CYP11A1: variants seen among roughly 807,000 people sequenced by gnomAD.
CYP11A1 encodes the protein cholesterol side-chain cleavage enzyme, mitochondrial.
In CYP11A1, 25 loss-of-function variants were observed where a neutral mutation model predicts 51.9. That is an observed-to-expected ratio of 0.48 (90% CI 0.35 to 0.67). CYP11A1 has a LOEUF of 0.67. Ranked by LOEUF, CYP11A1 falls within the 30% of genes least tolerant of loss-of-function variation. The probability of loss-of-function intolerance (pLI) is 0.00; values close to 1 mark genes in which losing one functional copy is unlikely to be tolerated. For synonymous variants in CYP11A1, 245 were observed against 262.1 expected, an observed-to-expected ratio of 0.93 and a Z score of 0.63; for missense variants, 578 against 680.9, an observed-to-expected ratio of 0.85 and a Z score of 1.68.
At chr15:74,344,962 G>T in intron 3 of CYP11A1, 82 bp downstream of exon 3, 1 of 1,283,884 alleles carries the variant, frequency 7.8e-7, no homozygotes, top group Non-Finnish European at 1.1e-6. Flanking sequence ...TGCAGGGTCT[G>T]TACTGAACCT....
chr15:74,359,837 G>A (rs1365816839), intron 1 of CYP11A1, among the ~76,000 whole-genome samples: 1 of 152,000 alleles, frequency 6.6e-6, no homozygotes, highest in Non-Finnish European at 1.5e-5. Context: ...AATTTCTTAT[G>A]AGTCAGTCTC....
intron 1 of CYP11A1, among the ~76,000 whole-genome samples, chr15:74,358,387 A>T (rs1162526784): frequency 1.3e-5 from 2 of 152,196 alleles, no homozygotes; most frequent in Non-Finnish European, 2.9e-5. Context: ...CCAGCCTCAC[A>T]GGCCCATTCT....
chr15:74,344,193 A>G (rs892654095), intron 3 of CYP11A1, among the ~76,000 whole-genome samples: 7 of 152,210 alleles, frequency 4.6e-5, no homozygotes, highest in African/African-American at 1.7e-4. Context: ...TCTGGCAACC[A>G]CACAGGTCCT....
intron 4 of CYP11A1, 105 bp from the exon 5 acceptor site, chr15:74,343,242 G>T: frequency 2.5e-6 from 3 of 1,184,192 alleles, no homozygotes; most frequent in Non-Finnish European, 3.7e-6. Flanking sequence ...GGATTCCGGA[G>T]CCCTGTGCTT....
chr15:74,364,743 A>T (rs2060724205), intron 1 of CYP11A1: 1 of 152,354 alleles, frequency 6.6e-6, no homozygotes, highest in Non-Finnish European at 1.5e-5. Context: ...AAGTGGTGAA[A>T]AGGGAAGAGA....
intron 1 of CYP11A1, chr15:74,365,884 A>G: frequency 2.0e-6 from 2 of 985,472 alleles, no homozygotes; most frequent in Non-Finnish European, 2.4e-6. Context: ...TGGCAGGGCC[A>G]GCGAAGCCAG....
Position 74,338,428 on chromosome 15 carries a change from A to G in CYP11A1, c.1434+143T>C, listed in dbSNP as rs531765166. The G allele has an allele frequency of 3.1e-5, 27 of 869,904 alleles. No homozygotes were observed. The African/African-American group carries it at 4.4e-4, about 14-fold the overall frequency. 53.9% of individuals were successfully genotyped at this position (869,904 alleles called of 1,614,324 possible). Reference sequence around the variant, plus strand: ...AGGGGGCAGCAGAGAACTGTGGGAGAGAGCGAGAGCAAGTAACTGGAGGTA... The same window carrying G: ...AGGGGGCAGCAGAGAACTGTGGGAGGGAGCGAGAGCAAGTAACTGGAGGTA... On this transcript the variant is annotated intron_variant, in intron 8 of 8. Transcript: ENST00000268053.
At chr15:74,357,985 A>G (rs1014241015) in intron 1 of CYP11A1, among the ~76,000 whole-genome samples, 1 of 152,250 alleles carries the variant, frequency 6.6e-6, no homozygotes, top group Non-Finnish European at 1.5e-5. Context: ...CAAATGAATT[A>G]CACGTCAATA....
At chr15:74,338,211 C>T in intron 8 of CYP11A1, 108 bp from the exon 9 acceptor site, 1 of 1,336,936 alleles carries the variant, frequency 7.5e-7, no homozygotes, top group South Asian at 1.2e-5. Flanking sequence ...TTGAGGAGTT[C>T]CAAGGAGTTC....
rs1567053041 is a variant in CYP11A1, at chr15:74,345,003, C to T, written c.625+41G>A. ...TAAGAGAGTGAACACTGAGTCCTCC[C>T]ACCCCCATGCCCACTGCCAGCCAGG... On this transcript the variant is annotated intron_variant, in intron 3 of 8. Coordinates refer to ENST00000268053, the MANE Select transcript of CYP11A1 (RefSeq NM_000781.3). The surrounding 1 kb of genome is among the most constrained non-coding windows in gnomAD (Gnocchi z 4.3). 8.3e-6 allele frequency: 13 copies of T among 1,573,714 alleles called. No individual in the cohort carries two copies. Among genetic ancestry groups the T allele is most frequent in the Non-Finnish European group, 9.6e-6 (11 of 1,143,474 alleles).
At chr15:74,366,910 T>TTCA in intron 1 of CYP11A1, 1 of 196,406 alleles carries the variant, frequency 5.1e-6, no homozygotes, top group Admixed American at 5.5e-5. Context: ...GAGACGGGGT[T>TTCA]TCATCATGTT....
At chr15:74,347,580 G>A (rs1488016174) in intron 2 of CYP11A1, among the ~76,000 whole-genome samples, 1 of 152,128 alleles carries the variant, frequency 6.6e-6, no homozygotes, top group African/African-American at 2.4e-5. Context: ...CCTGGCACAA[G>A]TCCTGATTCA....
At chr15:74,353,336 A>G (rs961711032) in intron 1 of CYP11A1, among the ~76,000 whole-genome samples, 1 of 152,236 alleles carries the variant, frequency 6.6e-6, no homozygotes, top group Non-Finnish European at 1.5e-5. Context: ...TAACATTTTT[A>G]TAGTTAAAGC....
intron 3 of CYP11A1, 90 bp downstream of exon 3, chr15:74,344,954 C>T: frequency 8.3e-7 from 1 of 1,205,500 alleles, no homozygotes; most frequent in Admixed American, 1.9e-5. Context: ...AATGCCTCTG[C>T]AGGGTCTGTA....
chr15:74,343,951 C>T lies in CYP11A1; in HGVS notation c.667G>A (p.Glu223Lys). Residue 223 changes from glutamate (E) to lysine (K), a missense_variant, in exon 4 of 9, where the codon GAG becomes AAG. Glu to Lys is a moderately conservative substitution (Grantham distance 56). Coordinates refer to ENST00000268053, the MANE Select transcript of CYP11A1 (RefSeq NM_000781.3). ...VIFGERQGML[E>K]EVVNPEAQRF... Reference sequence around the variant, plus strand: ...TGGGCCTCGGGGTTCACTACTTCCTCCAGCATCCCCTGGCGCTCCCCAAAA... The same window carrying T: ...TGGGCCTCGGGGTTCACTACTTCCTTCAGCATCCCCTGGCGCTCCCCAAAA... The T allele has an allele frequency of 6.2e-7, 1 of 1,614,152 alleles. No individual in the cohort carries two copies. The highest frequency in any genetic ancestry group is 8.5e-7 in the Non-Finnish European group (1 of 1,180,030).
chr15:74,342,570 G>C (rs551282557), intron 5 of CYP11A1, among the ~76,000 whole-genome samples: 1 of 152,154 alleles, frequency 6.6e-6, no homozygotes, highest in African/African-American at 2.4e-5. Flanking sequence ...GCCTCCCAAT[G>C]TTTCCGGGCT....
chr15:74,341,155 A>G (rs943267787), intron 5 of CYP11A1, among the ~76,000 whole-genome samples: 4 of 152,176 alleles, frequency 2.6e-5, no homozygotes, highest in Admixed American at 1.3e-4. Context: ...GGATGATGGT[A>G]ACATACCTTA....
chr15:74,338,812 A>G, intron 7 of CYP11A1, 44 bp from the exon 8 acceptor site: 1 of 1,580,600 alleles, frequency 6.3e-7, no homozygotes, highest in Non-Finnish European at 8.7e-7. Context: ...CCACTTCCCC[A>G]CAGCCCTGAG....
Position 74,343,127 on chromosome 15 carries a change from G to A in CYP11A1, c.840C>T (p.Tyr280=). Residue 280 remains tyrosine (Y), a synonymous_variant, in exon 5 of 9, where the codon TAC becomes TAT. Transcript: ENST00000268053. ...TCAATTCCCAGTAGAAGTTCTGGGT[G>A]TATATGTCAGCTGTGGGGAAGGAGG... is the stretch of plus-strand genomic sequence containing the variant. ...WDVIFSKADI[Y]TQNFYWELRQ... The A allele has an allele frequency of 1.2e-6, 2 of 1,613,808 alleles. No homozygotes were observed. Among genetic ancestry groups the A allele is most frequent in the Non-Finnish European group, 1.7e-6 (2 of 1,180,014 alleles).
Sources: gnomAD v4.1 joint callset for allele counts (sites outside exome capture counted in the v4.1 genomes callset) on GRCh38, gnomAD v4.1.1 for gene constraint, Gnocchi (gnomAD v3.1) non-coding constraint, MANE v1.5 for transcripts, NCBI Gene and HGNC (gene_info 2026-07-23, HGNC 2026-07-21) for gene names.